Variants in KCNQ5 observed in about 807,000 individuals in gnomAD.
KCNQ5 encodes the protein potassium voltage-gated channel subfamily Q member 5, also known as potassium voltage-gated channel subfamily KQT member 5.
Under a neutral mutation model 98.2 loss-of-function variants are expected in KCNQ5, and 30 were observed. The observed-to-expected ratio is 0.31, with a 90% confidence interval of 0.23 to 0.41. KCNQ5 has a LOEUF of 0.41. KCNQ5 is among the 10% of genes least tolerant of loss of function. KCNQ5 has a pLI of 1.00. For synonymous variants in KCNQ5, 458 were observed against 449.4 expected, an observed-to-expected ratio of 1.02 and a Z score of -0.24; for missense variants, 835 against 1,182.5, an observed-to-expected ratio of 0.71 and a Z score of 4.31.
intron 1 of KCNQ5, among the ~76,000 whole-genome samples, chr6:72,658,578 A>ATATATATATATTT (rs1226386362): frequency 1.7e-3 from 127 of 76,364 alleles, no homozygotes; most frequent in Non-Finnish European, 2.8e-3. Context: ...ATATATATAT[A>ATATATATATATTT]TTTTTTTTTT....
rs1490608637 is a variant in KCNQ5, at chr6:72,808,248, ACAAT to A, written c.398+185665_398+185668del. 5.9e-5 allele frequency among the ~76,000 whole-genome samples: 9 copies of A among 152,356 alleles called. No individual in the cohort carries two copies. The East Asian group carries it at 1.5e-3, about 26-fold the overall frequency. ...TGTTACGATTTTGAATATTTTGCAA[ACAAT>A]CAAACGCACACTTAAGAGAGGATAC... On this transcript the variant is annotated intron_variant, in intron 1 of 13. Transcript: ENST00000370398.
rs112819455 is a variant in KCNQ5, at chr6:72,653,401, G to A, written c.398+30814G>A. 1.5e-3 allele frequency among the ~76,000 whole-genome samples: 228 copies of A among 152,098 alleles called. 1 individual carries two copies. The highest frequency in any genetic ancestry group is 5.2e-3 in the African/African-American group (216 of 41,532). On this transcript the variant is annotated intron_variant, in intron 1 of 13. Coordinates refer to ENST00000370398, the MANE Select transcript of KCNQ5 (RefSeq NM_019842.4). ...TAATTGTGAAATTTGTTGCATAGAT[G>A]TAAATTTTCTTTCAGTATTATTCAG...
intron 1 of KCNQ5, among the ~76,000 whole-genome samples, chr6:72,975,584 T>C (rs941563250): frequency 6.6e-6 from 1 of 152,224 alleles, no homozygotes; most frequent in Non-Finnish European, 1.5e-5. Flanking sequence ...TGTGTAGTAG[T>C]TTCAGAGTTT....
chr6:72,899,002 T>C (rs1451407933), intron 1 of KCNQ5, among the ~76,000 whole-genome samples: 1 of 152,222 alleles, frequency 6.6e-6, no homozygotes, highest in Non-Finnish European at 1.5e-5. Flanking sequence ...TCATGTCCTT[T>C]GCCCAGTTTT....
Position 73,194,553 on chromosome 6 carries a change from C to T in KCNQ5, c.1938C>T (p.Ile646=). The change falls in exon 14 of 14, where the codon ATC becomes ATT. Residue 646 remains isoleucine (I), a synonymous_variant. Coordinates refer to ENST00000370398, the MANE Select transcript of KCNQ5 (RefSeq NM_019842.4). The stretch of plus-strand genomic sequence containing the variant: ...CCCTCGCTTTGGCTTCATTCCAGAT[C>T]CCACCTTTTGAATGTGAACAGACAT... ...ASALALASFQ[I]PPFECEQTSD... The T allele has an allele frequency of 1.9e-6, 3 of 1,614,186 alleles. No homozygotes were observed. The African/African-American group carries it at 4.0e-5, about 22-fold the overall frequency.
At chr6:72,689,650 C>T (rs551085687) in intron 1 of KCNQ5, among the ~76,000 whole-genome samples, 41 of 152,244 alleles carry the variant, frequency 2.7e-4, no homozygotes, top group African/African-American at 9.1e-4. Flanking sequence ...AAGTATTAGG[C>T]AAATGGTAAA....
At chr6:72,682,664 G>A (rs1767763557) in intron 1 of KCNQ5, among the ~76,000 whole-genome samples, 1 of 152,084 alleles carries the variant, frequency 6.6e-6, no homozygotes, top group African/African-American at 2.4e-5. Flanking sequence ...TCTCTATGAA[G>A]AATCATGAAA....
At chr6:73,061,868 A>T (rs1443774270) in intron 3 of KCNQ5, among the ~76,000 whole-genome samples, 1 of 152,172 alleles carries the variant, frequency 6.6e-6, no homozygotes, top group African/African-American at 2.4e-5. Flanking sequence ...GTGTTCAGTG[A>T]AGCCTCTAAT....
intron 10 of KCNQ5, among the ~76,000 whole-genome samples, chr6:73,165,466 C>A (rs544039256): frequency 1.2e-4 from 19 of 152,172 alleles, no homozygotes; most frequent in Non-Finnish European, 2.8e-4. Context: ...CCTTGAATTT[C>A]CAGGGTCTGT....
chr6:72,702,776 G>A (rs1768886981), intron 1 of KCNQ5, among the ~76,000 whole-genome samples: 1 of 152,138 alleles, frequency 6.6e-6, no homozygotes, highest in Admixed American at 6.5e-5. Context: ...TTTACGGTAT[G>A]ATTTCACTTC....
At chr6:72,959,811 G>A (rs1018166800) in intron 1 of KCNQ5, among the ~76,000 whole-genome samples, 5 of 152,152 alleles carry the variant, frequency 3.3e-5, no homozygotes, top group Middle Eastern at 3.2e-3. Context: ...GGAGATTCAC[G>A]ACACAATTCA....
intron 2 of KCNQ5, among the ~76,000 whole-genome samples, chr6:73,034,991 G>A (rs1012770920): frequency 4.7e-5 from 7 of 150,408 alleles, no homozygotes; most frequent in African/African-American, 1.2e-4. Context: ...GACTACAGGC[G>A]CCCGCCACCA....
intron 1 of KCNQ5, among the ~76,000 whole-genome samples, chr6:72,905,508 T>C (rs1192526588): frequency 6.6e-6 from 1 of 152,210 alleles, no homozygotes; most frequent in Admixed American, 6.5e-5. Context: ...GGGTAGGCTC[T>C]GTCAGAGGGA....
chr6:72,717,469 A>G (rs1160870349), intron 1 of KCNQ5, among the ~76,000 whole-genome samples: 1 of 152,220 alleles, frequency 6.6e-6, no homozygotes, highest in East Asian at 1.9e-4. Context: ...TGAAAAGAGA[A>G]ATGGGTGACC....
At chr6:72,859,947 T>C (rs1231365651) in intron 1 of KCNQ5, among the ~76,000 whole-genome samples, 2 of 150,782 alleles carry the variant, frequency 1.3e-5, no homozygotes, top group Non-Finnish European at 2.9e-5. Flanking sequence ...TTTATTATTA[T>C]GTAATCCTAT....
chr6:72,704,220 T>G (rs889361303), intron 1 of KCNQ5, among the ~76,000 whole-genome samples: 1 of 152,184 alleles, frequency 6.6e-6, no homozygotes, highest in Non-Finnish European at 1.5e-5. Flanking sequence ...ATTATAAATC[T>G]TTAGAGAAAT....
At chr6:72,895,497 A>G (rs1422538208) in intron 1 of KCNQ5, among the ~76,000 whole-genome samples, 2 of 151,810 alleles carry the variant, frequency 1.3e-5, no homozygotes. Flanking sequence ...GAAAGGGTGC[A>G]GTTATATGGA....
intron 2 of KCNQ5, among the ~76,000 whole-genome samples, chr6:73,034,180 T>A (rs774159826): frequency 1.6e-4 from 24 of 151,906 alleles, no homozygotes; most frequent in Admixed American, 3.3e-4. Flanking sequence ...GACTGATGCC[T>A]TTTTTTTGCA....
intron 1 of KCNQ5, among the ~76,000 whole-genome samples, chr6:72,641,200 T>C (rs1277090349): frequency 4.6e-5 from 7 of 152,130 alleles, no homozygotes; most frequent in Non-Finnish European, 7.4e-5. Flanking sequence ...CTGTGGTTTC[T>C]TTCCAGATAT....
Sources: gnomAD v4.1 joint callset for allele counts (sites outside exome capture counted in the v4.1 genomes callset) on GRCh38, gnomAD v4.1.1 for gene constraint, MANE v1.5 for transcripts, NCBI Gene and HGNC (gene_info 2026-07-23, HGNC 2026-07-21) for gene names.